Variants in TENM4 observed in about 807,000 individuals in gnomAD.
TENM4 encodes teneurin-4.
In TENM4, 82 loss-of-function variants were observed where a neutral mutation model predicts 243.3. The ratio of observed to expected loss-of-function variants is 0.34; its 90% CI spans 0.28 to 0.40. TENM4 has a LOEUF of 0.40. TENM4 is among the 10% of genes least tolerant of loss of function. The pLI is 1.00. For missense variants in TENM4, 3,138 were observed against 3,673.3 expected (o/e 0.85, Z 3.77); for synonymous variants, 1,412 against 1,456.3 (o/e 0.97, Z 0.69).
At chr11:79,070,917 A>G (rs4614486) in intron 4 of TENM4, among the ~76,000 whole-genome samples, 46,881 of 151,992 alleles carry the variant, frequency 0.31, 7,546 homozygotes, top group Non-Finnish European at 0.37. Context: ...TTACTCAGAG[A>G]ATGTCCCTCA....
At chr11:79,222,373 T>C (rs1864178069) in intron 2 of TENM4, among the ~76,000 whole-genome samples, 7 of 152,360 alleles carry the variant, frequency 4.6e-5, no homozygotes, top group Admixed American at 2.6e-4. Flanking sequence ...CCATGGTGTA[T>C]ATGTACAACA....
At chr11:79,226,173 T>C (rs753382661) in intron 2 of TENM4, among the ~76,000 whole-genome samples, 1 of 152,226 alleles carries the variant, frequency 6.6e-6, no homozygotes, top group Non-Finnish European at 1.5e-5. Context: ...CACAACTGCA[T>C]GCCTGGCCCC....
intron 27 of TENM4, among the ~76,000 whole-genome samples, chr11:78,706,176 C>T (rs921551960): frequency 5.3e-5 from 8 of 152,122 alleles, no homozygotes; most frequent in African/African-American, 1.9e-4. Flanking sequence ...TGTACTTATT[C>T]TGTACCCCCA....
intron 6 of TENM4, among the ~76,000 whole-genome samples, chr11:79,046,685 C>T (rs1859668514): frequency 6.6e-6 from 1 of 152,104 alleles, no homozygotes; most frequent in African/African-American, 2.4e-5. Flanking sequence ...GATGCAGCTG[C>T]AAGCCAGGGA....
At chr11:78,892,559 C>T (rs1335999844) in intron 7 of TENM4, among the ~76,000 whole-genome samples, 1 of 152,138 alleles carries the variant, frequency 6.6e-6, no homozygotes, top group Non-Finnish European at 1.5e-5. Context: ...CAGTACTGAG[C>T]TCACAAGGTT....
intron 28 of TENM4, among the ~76,000 whole-genome samples, chr11:78,693,210 G>A (rs1216914515): frequency 6.6e-6 from 1 of 152,192 alleles, no homozygotes; most frequent in Non-Finnish European, 1.5e-5. Flanking sequence ...ATGAGGTGGA[G>A]AAAGGTCACT....
intron 18 of TENM4, among the ~76,000 whole-genome samples, chr11:78,764,188 T>C (rs997050358): frequency 6.6e-6 from 1 of 152,260 alleles, no homozygotes. Context: ...GTAAAAGGTA[T>C]GCAGGAGCGT....
At chr11:78,929,514 A>G (rs960648758) in intron 6 of TENM4, among the ~76,000 whole-genome samples, 2 of 152,216 alleles carry the variant, frequency 1.3e-5, no homozygotes, top group Non-Finnish European at 2.9e-5. Context: ...AAATCCTCCT[A>G]CAATGGGGCT....
intron 1 of TENM4, among the ~76,000 whole-genome samples, chr11:79,301,033 A>G (rs146795224): frequency 0.015 from 2,265 of 151,876 alleles, 55 homozygotes; most frequent in African/African-American, 0.051. Flanking sequence ...CTCCCTCTCC[A>G]TCTCCATGCC....
At position 79,128,524 on chromosome 11, in the gene TENM4, C is replaced by T. The variant is rs866340979; in HGVS notation, c.-66+20186G>A. Among the ~76,000 whole-genome samples, 48 of 152,326 alleles carry T rather than the reference C, an allele frequency of 3.2e-4. 1 individual carries two copies. The highest frequency in any genetic ancestry group is 3.4e-3 in the Middle Eastern group (1 of 294). ...CTCCAGCCACCCTGCCTTCTCTCCCCGAGCCTGCACCAGTGGCCTCATGGG... is the reference window on the plus strand; with the variant it reads ...CTCCAGCCACCCTGCCTTCTCTCCCTGAGCCTGCACCAGTGGCCTCATGGG... On this transcript the variant is annotated intron_variant, in intron 4 of 33. Coordinates refer to ENST00000278550, the MANE Select transcript of TENM4 (RefSeq NM_001098816.3).
chr11:78,823,066 G>A (rs1427702852), intron 12 of TENM4, among the ~76,000 whole-genome samples: 1 of 152,168 alleles, frequency 6.6e-6, no homozygotes, highest in Non-Finnish European at 1.5e-5. Context: ...GTTCTGCTGC[G>A]TCTCCCAGCG....
chr11:79,350,795 C>T (rs183114076), intron 1 of TENM4, among the ~76,000 whole-genome samples: 29 of 152,206 alleles, frequency 1.9e-4, no homozygotes, highest in Admixed American at 5.9e-4. Flanking sequence ...CCAACTACCA[C>T]GCCCTTCAGG....
chr11:78,843,323 A>C (rs77979400), intron 12 of TENM4, among the ~76,000 whole-genome samples: 14,081 of 151,998 alleles, frequency 0.093, 1,555 homozygotes, highest in African/African-American at 0.27. Context: ...TCTACAAAAA[A>C]TAATTTTAAA....
chr11:78,895,013 C>A (rs4359238), intron 7 of TENM4, among the ~76,000 whole-genome samples: 109,323 of 132,410 alleles, frequency 0.83, 46,408 homozygotes, highest in Non-Finnish European at 0.93. Flanking sequence ...AAAAAGAAGA[C>A]AATTCTGGCT....
chr11:78,975,968 G>A (rs1419341560), intron 6 of TENM4, among the ~76,000 whole-genome samples: 1 of 152,158 alleles, frequency 6.6e-6, no homozygotes, highest in Non-Finnish European at 1.5e-5. Context: ...AACAGAGGCG[G>A]CTTAAGGTCA....
At chr11:78,896,142 C>G (rs947404049) in intron 7 of TENM4, among the ~76,000 whole-genome samples, 1 of 152,178 alleles carries the variant, frequency 6.6e-6, no homozygotes, top group African/African-American at 2.4e-5. Context: ...AACGGTTCAC[C>G]CTCTCACAGT....
At chr11:79,130,057 C>T (rs1034849443) in intron 4 of TENM4, among the ~76,000 whole-genome samples, 1 of 152,138 alleles carries the variant, frequency 6.6e-6, no homozygotes, top group Non-Finnish European at 1.5e-5. Context: ...GTTCATATCA[C>T]AAGACTCTTT....
At chr11:78,974,421 G>A (rs767543994) in intron 6 of TENM4, among the ~76,000 whole-genome samples, 1 of 152,184 alleles carries the variant, frequency 6.6e-6, no homozygotes, top group Middle Eastern at 3.2e-3. Context: ...GACTTGTGCA[G>A]GGACACACAA....
chr11:79,336,632 T>C (rs915039200), intron 1 of TENM4, among the ~76,000 whole-genome samples: 1 of 152,366 alleles, frequency 6.6e-6, no homozygotes, highest in Admixed American at 6.5e-5. Context: ...GCCTCATTAC[T>C]TCTATCTGTA....
Sources: gnomAD v4.1 joint callset for allele counts (sites outside exome capture counted in the v4.1 genomes callset) on GRCh38, gnomAD v4.1.1 for gene constraint, MANE v1.5 for transcripts, NCBI Gene and HGNC (gene_info 2026-07-23, HGNC 2026-07-21) for gene names.